The following FBXO3 variants were observed in gnomAD, a reference collection of about 807,000 sequenced individuals.
FBXO3 encodes the protein F-box only protein 3.
FBXO3 carries 17 observed loss-of-function variants against 64.8 expected under a neutral mutation model. The ratio of observed to expected loss-of-function variants is 0.26; its 90% CI spans 0.18 to 0.39. The LOEUF is 0.39. Among genes scored for constraint, FBXO3 ranks in the 10% least tolerant of loss-of-function variants. The pLI is 1.00. For missense variants in FBXO3, 420 were observed against 589.9 expected (o/e 0.71, Z 2.98); for synonymous variants, 182 against 201.6 (o/e 0.90, Z 0.82).
chr11:33,747,749 T>C (rs1462888471), intron 9 of FBXO3, among the ~76,000 whole-genome samples: 7 of 152,094 alleles, frequency 4.6e-5, no homozygotes, highest in African/African-American at 1.7e-4. Flanking sequence ...TGACCTCAGG[T>C]GATCCGCCCA....
chr11:33,756,184 A>G (rs556365868), intron 4 of FBXO3, among the ~76,000 whole-genome samples: 50 of 152,358 alleles, frequency 3.3e-4, no homozygotes, highest in African/African-American at 1.1e-3. Flanking sequence ...TTTAAATTGA[A>G]AATTAATTAA....
chr11:33,772,477 C>T (rs1404044730), intron 1 of FBXO3: 1 of 152,302 alleles, frequency 6.6e-6, no homozygotes, highest in Non-Finnish European at 1.5e-5. Context: ...CTGTGAGTCA[C>T]TCCCTACCTC....
intron 3 of FBXO3, among the ~76,000 whole-genome samples, chr11:33,767,978 G>A (rs559326829): frequency 2.0e-5 from 3 of 152,134 alleles, no homozygotes; most frequent in Non-Finnish European, 4.4e-5. Flanking sequence ...TCATGCAACC[G>A]TGATTTGTAT....
chr11:33,757,653 T>C (rs1855136308), intron 4 of FBXO3, among the ~76,000 whole-genome samples: 1 of 20,936 alleles, frequency 4.8e-5, no homozygotes, highest in Non-Finnish European at 1.1e-4. Flanking sequence ...AGACACCATC[T>C]CTTAAAAAAA....
Position 33,743,810 on chromosome 11 carries a change from C to T in FBXO3, c.1240-1726G>A, listed in dbSNP as rs1854747270. On this transcript the variant is annotated intron_variant, in intron 10 of 10. Transcript: ENST00000265651. The surrounding 1 kb of genome is among the most constrained non-coding windows in gnomAD (Gnocchi z 4.6). ...CTGACACATCTTTATATTAGAACAA[C>T]CTAACAATACGTTCTTTATCCCCTT... 6.6e-6 allele frequency: 1 copy of T among 152,244 alleles called. No individual in the cohort carries two copies. The highest frequency in any genetic ancestry group is 1.5e-5 in the Non-Finnish European group (1 of 68,056). The allele number at this position is 152,244 out of a possible 1,614,324, so 9.4% of individuals were successfully genotyped here.
intron 3 of FBXO3, among the ~76,000 whole-genome samples, chr11:33,759,545 A>G (rs1295096015): frequency 6.6e-6 from 1 of 152,222 alleles, no homozygotes; most frequent in African/African-American, 2.4e-5. Context: ...CCCAGCTTTC[A>G]ATCATGTCAA....
chr11:33,770,784 G>T lies in FBXO3; in HGVS notation c.151C>A (p.Pro51Thr). ...TTTTTGCAATGTCTTCTCCACAGCG[G>T]ATCATGACTTGATAGCTGGCTAAGT... ...RRLSQLSSHD[P>T]LWRRHCKKYW... The change falls in exon 2 of 11, where the codon CCG becomes ACG. Residue 51 changes from proline (P) to threonine (T), a missense_variant. Transcript: ENST00000265651. 1 of 1,611,376 alleles carries T rather than the reference G, an allele frequency of 6.2e-7. No individual in the cohort carries two copies. Among genetic ancestry groups the T allele is most frequent in the Non-Finnish European group, 8.5e-7 (1 of 1,178,046 alleles).
chr11:33,769,721 G>C (rs184993174), intron 2 of FBXO3, among the ~76,000 whole-genome samples: 2 of 152,060 alleles, frequency 1.3e-5, no homozygotes, highest in Admixed American at 1.3e-4. Flanking sequence ...GGAGAGAAGT[G>C]GGGAGAGAGA....
intron 1 of FBXO3, chr11:33,771,481 G>A (rs921208835): frequency 1.3e-5 from 2 of 152,176 alleles, no homozygotes; most frequent in Non-Finnish European, 2.9e-5. Context: ...ACACAACAGT[G>A]TTGCAATCCT....
chr11:33,770,837 G>A lies in FBXO3; in HGVS notation c.105-7C>T. On this transcript the variant is annotated splice_polypyrimidine_tract_variant and splice_region_variant and intron_variant, in intron 1 of 10. Transcript: ENST00000265651. ...TCGACTGACATAACAACAGCTGGCAGTAACCAGATTCACCGATAGTATTTA... is the reference window on the plus strand; with the variant it reads ...TCGACTGACATAACAACAGCTGGCAATAACCAGATTCACCGATAGTATTTA... The A allele has an allele frequency of 6.3e-7, 1 of 1,583,896 alleles. No homozygotes were observed. The highest frequency in any genetic ancestry group is 8.6e-7 in the Non-Finnish European group (1 of 1,158,490).
At chr11:33,763,227 A>AAAAAGAGGC in intron 3 of FBXO3, 1 of 436,314 alleles carries the variant, frequency 2.3e-6, no homozygotes, top group African/African-American at 2.0e-5. Flanking sequence ...CAGGGAACAG[A>AAAAAGAGGC]AAAAGAGGCA....
chr11:33,742,001 A>G lies in FBXO3; in HGVS notation c.1323T>C (p.Asp441=). The G allele has an allele frequency of 6.2e-7, 1 of 1,605,636 alleles. No homozygotes were observed. The highest frequency in any genetic ancestry group is 1.1e-5 in the South Asian group (1 of 90,920). ...CATCATCTTCATCTGATTCATCCAT[A>G]TCTGCTGAATCATCATCCTCGTCTT... is the stretch of plus-strand genomic sequence containing the variant. ...EEEDEDDDSA[D]MDESDEDDEE... is the part of the protein sequence containing the mutation. The change falls in exon 11 of 11, where the codon GAT becomes GAC. Residue 441 remains aspartate, a synonymous_variant. Transcript: ENST00000265651.
At chr11:33,769,142 G>C (rs1470797458) in intron 2 of FBXO3, 128 bp from the exon 3 acceptor site, 6 of 795,518 alleles carry the variant, frequency 7.5e-6, no homozygotes, top group South Asian at 2.9e-5. Flanking sequence ...CACAAATGAA[G>C]ATCAGATAGC....
chr11:33,754,969 A>G lies in FBXO3; in HGVS notation c.679-469T>C, dbSNP rs528505830. ...TGACCTCCGCCTCCCGGATTCAAGC[A>G]ATTCTCCTGCCTCAGCCTCCCCAAG... On this transcript the variant is annotated intron_variant, in intron 5 of 10. Coordinates refer to ENST00000265651, the MANE Select transcript of FBXO3 (RefSeq NM_012175.4). Among the ~76,000 whole-genome samples the G allele has an allele frequency of 2.5e-4, 37 of 147,532 alleles. 1 individual carries two copies. The South Asian group carries it at 7.9e-3, about 32-fold the overall frequency.
intron 8 of FBXO3, among the ~76,000 whole-genome samples, chr11:33,750,097 T>G (rs1854916686): frequency 6.6e-6 from 1 of 152,194 alleles, no homozygotes; most frequent in African/African-American, 2.4e-5. Flanking sequence ...ATTTGCTTCT[T>G]ATTTAATAAA....
intron 10 of FBXO3, chr11:33,746,707 A>C (rs1217402766): frequency 2.9e-6 from 4 of 1,401,000 alleles, no homozygotes; most frequent in Non-Finnish European, 3.8e-6. Flanking sequence ...AAATGATCCC[A>C]GAGAGACTGC....
intron 10 of FBXO3, chr11:33,742,751 C>T (rs1346701825): frequency 6.6e-6 from 1 of 152,152 alleles, no homozygotes; most frequent in African/African-American, 2.4e-5. Context: ...CACATCATTT[C>T]AATTCAACCA....
intron 4 of FBXO3, 41 bp from the exon 5 acceptor site, chr11:33,756,016 G>T: frequency 2.0e-6 from 3 of 1,514,146 alleles, no homozygotes; most frequent in Non-Finnish European, 2.7e-6. Context: ...ACACGGCAGT[G>T]CCAAAGAGCT....
At chr11:33,771,454 C>T (rs1046415030) in intron 1 of FBXO3, 1 of 152,190 alleles carries the variant, frequency 6.6e-6, no homozygotes, top group Non-Finnish European at 1.5e-5. Context: ...AACTTTCTTA[C>T]TATATAAAGA....
Sources: allele counts gnomAD v4.1 joint callset (sites outside exome capture counted in the v4.1 genomes callset), GRCh38; gene constraint gnomAD v4.1.1; non-coding constraint Gnocchi (gnomAD v3.1); transcripts MANE v1.5; gene names NCBI Gene and HGNC (gene_info 2026-07-23, HGNC 2026-07-21).